Variants in NOX5 observed in about 807,000 individuals in gnomAD.
The protein encoded by NOX5 is NADPH oxidase, EF-hand calcium binding domain 5.
Under a neutral mutation model 85.7 loss-of-function variants are expected in NOX5, and 76 were observed. That is an observed-to-expected ratio of 0.89 (90% CI 0.74 to 1.07). The LOEUF (loss-of-function observed/expected upper bound fraction) is 1.07, where lower values mean the gene tolerates loss of function less well. Ranked by LOEUF, NOX5 falls within the 50% of genes least tolerant of loss-of-function variation. The pLI is 0.00. For missense variants in NOX5, 973 were observed against 999.5 expected (o/e 0.97, Z 0.36); for synonymous variants, 405 against 401.4 (o/e 1.01, Z -0.11).
chr15:69,042,561 G>C, intron 9 of NOX5, 102 bp from the exon 10 acceptor site: 7 of 1,314,408 alleles, frequency 5.3e-6, no homozygotes, highest in Non-Finnish European at 7.3e-6. Context: ...CCAGGACTTG[G>C]AGGGCTGAGG....
At position 69,044,532 on chromosome 15, in the gene NOX5, C is replaced by G. The variant is rs2050638314; in HGVS notation, c.1647+1727C>G. On this transcript the variant is annotated intron_variant, in intron 10 of 15. Coordinates refer to ENST00000388866, the MANE Select transcript of NOX5 (RefSeq NM_024505.4). Reference sequence around the variant, plus strand: ...AAAATGCCGAACAATAGGAAAATACCTAAATAAATTGCTGATCACCTTTAC... The same window carrying G: ...AAAATGCCGAACAATAGGAAAATACGTAAATAAATTGCTGATCACCTTTAC... Among the ~76,000 whole-genome samples the G allele has an allele frequency of 2.6e-5, 4 of 152,046 alleles. No homozygotes were observed. In the South Asian group the frequency reaches 8.3e-4, roughly 32 times the overall value.
At chr15:69,036,575 C>G (rs2050519397) in intron 7 of NOX5, among the ~76,000 whole-genome samples, 2 of 152,170 alleles carry the variant, frequency 1.3e-5, no homozygotes, top group Admixed American at 1.3e-4. Flanking sequence ...TCAGAATCCT[C>G]ATTTGACCCA....
At chr15:69,033,012 C>A (rs748570012) in intron 4 of NOX5, 31 bp from the exon 5 acceptor site, 3 of 1,526,786 alleles carry the variant, frequency 2.0e-6, no homozygotes, top group South Asian at 1.2e-5. Flanking sequence ...CCCCACCGCT[C>A]GCCTCTGAGC....
In NOX5 at chr15:69,047,835, A is replaced by G; in HGVS notation, c.1823A>G (p.Gln608Arg). The part of the protein sequence containing the change: ...SILQSIMYRH[Q>R]KRKHTCPSCQ... ...TTCCTCCTGCCTCCCCTCAGGCACC[A>G]GAAAAGAAAGCATACTTGCCCCAGC... The change falls in exon 13 of 16, where the codon CAG becomes CGG. Residue 608 changes from glutamine (Q) to arginine (R), a missense_variant. By Grantham distance (43) the Gln-to-Arg change is conservative. Transcript: ENST00000388866. 1.2e-6 allele frequency: 2 copies of G among 1,614,124 alleles called. No homozygotes were observed. The highest frequency in any genetic ancestry group is 2.7e-5 in the African/African-American group (2 of 75,034).
intron 2 of NOX5, among the ~76,000 whole-genome samples, 198 bp downstream of exon 2, chr15:69,026,849 T>C (rs1259087654): frequency 1.3e-5 from 2 of 152,204 alleles, no homozygotes; most frequent in Admixed American, 6.5e-5. Flanking sequence ...ACACATGAAG[T>C]TGGAAGTCAG....
chr15:69,035,792 G>A lies in NOX5; in HGVS notation c.1044G>A (p.Gln348=), dbSNP rs750275364. Residue 348 remains glutamine, a synonymous_variant, in exon 7 of 16, where the codon CAG becomes CAA. Transcript: ENST00000388866. ...LQAQAEASPF[Q]FWELLLTTRP... ...CTCAGGCGGAGGCCAGCCCTTTCCA[G>A]TTCTGGGAGCTGCTGCTCACCACGA... 16 of 1,614,088 alleles carry A rather than the reference G, an allele frequency of 9.9e-6. No individual in the cohort carries two copies. In the African/African-American group the frequency reaches 1.5e-4, roughly 15 times the overall value.
intron 5 of NOX5, 92 bp from the exon 6 acceptor site, chr15:69,035,262 G>C: frequency 7.1e-7 from 1 of 1,399,016 alleles, no homozygotes; most frequent in Non-Finnish European, 9.7e-7. Flanking sequence ...AGAAAGCACA[G>C]CTAGCTCAGG....
intron 10 of NOX5, among the ~76,000 whole-genome samples, chr15:69,045,649 CT>C (rs1189080195): frequency 3.4e-5 from 5 of 147,276 alleles, no homozygotes; most frequent in African/African-American, 1.3e-4. Flanking sequence ...CTCTCTCCCC[CT>C]CCCTCCCTCT....
In NOX5 at chr15:69,034,917, CCCAGCT is replaced by C. The variant is rs768350328; in HGVS notation, c.856-436_856-431del. On this transcript the variant is annotated intron_variant, in intron 5 of 15. Coordinates refer to ENST00000388866, the MANE Select transcript of NOX5 (RefSeq NM_024505.4). ...AGGATTACAGGTGTGTGCCACCATG[CCCAGCT>C]AATTAAACAATTTTTTTTTTCTATA... Among the ~76,000 whole-genome samples the C allele has an allele frequency of 1.6e-4, 24 of 152,016 alleles. 1 individual carries two copies. The highest frequency in any genetic ancestry group is 5.2e-4 in the Admixed American group (8 of 15,258).
chr15:69,056,006 C>G (rs2050807893), intron 15 of NOX5, among the ~76,000 whole-genome samples: 1 of 152,132 alleles, frequency 6.6e-6, no homozygotes. Flanking sequence ...TGCAGATGAC[C>G]CCATGCCTGG....
chr15:69,056,229 C>A (rs1251307368), intron 15 of NOX5, among the ~76,000 whole-genome samples: 4 of 152,166 alleles, frequency 2.6e-5, no homozygotes. Flanking sequence ...AGTCCCAGAG[C>A]ACTGTATGCA....
At chr15:69,032,653 C>T (rs1447360232) in intron 4 of NOX5, among the ~76,000 whole-genome samples, 2 of 152,104 alleles carry the variant, frequency 1.3e-5, no homozygotes, top group African/African-American at 2.4e-5. Flanking sequence ...TCAGGTGATC[C>T]GCCCGCCTTG....
In NOX5 at chr15:69,035,944, A is replaced by G; in HGVS notation, c.1188+8A>G. ...AGGAGTGGCCACTTTGAGGTGCCCC[A>G]GTTGCTGCCCTTTTGCTTCCCCCAA... On this transcript the variant is annotated splice_region_variant and intron_variant, in intron 7 of 15. Coordinates refer to ENST00000388866, the MANE Select transcript of NOX5 (RefSeq NM_024505.4). 1.9e-6 allele frequency: 3 copies of G among 1,613,658 alleles called. No individual in the cohort carries two copies. Among genetic ancestry groups the G allele is most frequent in the Non-Finnish European group, 2.5e-6 (3 of 1,179,702 alleles).
At chr15:69,017,661 A>G (rs1303286677) in intron 1 of NOX5, among the ~76,000 whole-genome samples, 2 of 152,058 alleles carry the variant, frequency 1.3e-5, no homozygotes, top group Non-Finnish European at 1.5e-5. Flanking sequence ...AGCCTTGGGT[A>G]TATGTTCTCA....
In NOX5 at chr15:69,036,973, T is replaced by C. The variant is rs1416047225; in HGVS notation, c.1189-55T>C. On this transcript the variant is annotated intron_variant, in intron 7 of 15. Transcript: ENST00000388866. ...AGGATAACCCTGAGTCCTGGCTCTG[T>C]TCCACCCCCCAGGCCTTGAGCTCTG... 5.6e-6 allele frequency: 8 copies of C among 1,421,260 alleles called. No individual in the cohort carries two copies. In the Admixed American group the frequency reaches 1.4e-4, roughly 24 times the overall value. The allele number at this position is 1,421,260 out of a possible 1,614,324, so 88.0% of individuals were successfully genotyped here. A position where few individuals can be genotyped will look rare whatever the true frequency, so the allele number is the denominator to read the frequency against.
chr15:69,055,281 C>A (rs368763823), intron 14 of NOX5, 53 bp from the exon 15 acceptor site: 14 of 1,572,592 alleles, frequency 8.9e-6, no homozygotes, highest in Non-Finnish European at 1.2e-5. Context: ...TCCTGCCCTG[C>A]GCCCATGATG....
At chr15:69,045,788 G>T (rs115719622) in intron 10 of NOX5, among the ~76,000 whole-genome samples, 4 of 151,944 alleles carry the variant, frequency 2.6e-5, no homozygotes, top group Admixed American at 2.6e-4. Context: ...AGAATGGAAG[G>T]CTTTCTCGTT....
rs1218725915 is a variant in NOX5, at chr15:69,036,028, G to GA, written c.1188+94dup. 1.9e-6 allele frequency: 3 copies of GA among 1,545,698 alleles called. No homozygotes were observed. The African/African-American group carries it at 4.1e-5, about 21-fold the overall frequency. ...CCCTCTGATTTACTCCAGAGCCCAG[G>GA]AAGGTCCCAAGCTGGTCTGCATATT... On this transcript the variant is annotated intron_variant, in intron 7 of 15. Coordinates refer to ENST00000388866, the MANE Select transcript of NOX5 (RefSeq NM_024505.4).
At chr15:69,041,634 C>T (rs2050595484) in intron 9 of NOX5, among the ~76,000 whole-genome samples, 1 of 152,208 alleles carries the variant, frequency 6.6e-6, no homozygotes, top group East Asian at 1.9e-4. Flanking sequence ...CCTGCTACAG[C>T]TCATTAATTC....
Sources: gnomAD v4.1 joint callset for allele counts (sites outside exome capture counted in the v4.1 genomes callset) on GRCh38, gnomAD v4.1.1 for gene constraint, MANE v1.5 for transcripts, NCBI Gene and HGNC (gene_info 2026-07-23, HGNC 2026-07-21) for gene names.